Variants in SORBS2 observed in about 807,000 individuals in gnomAD.
The protein encoded by SORBS2 is sorbin and SH3 domain-containing protein 2.
SORBS2 carries 46 observed loss-of-function variants against 97.7 expected under a neutral mutation model. That is an observed-to-expected ratio of 0.47 (90% confidence interval 0.37 to 0.60). The LOEUF (loss-of-function observed/expected upper bound fraction) is 0.60, where lower values mean the gene tolerates loss of function less well. Among genes scored for constraint, SORBS2 ranks in the 20% least tolerant of loss-of-function variants. The pLI is 0.00. For synonymous variants in SORBS2, 476 were observed against 473.4 expected, an observed-to-expected ratio of 1.01 and a Z score of -0.07; for missense variants, 1,316 against 1,282.3, an observed-to-expected ratio of 1.03 and a Z score of -0.40.
At chr4:185,790,546 T>C (rs1360826827) in intron 1 of SORBS2, among the ~76,000 whole-genome samples, 2 of 152,180 alleles carry the variant, frequency 1.3e-5, no homozygotes, top group African/African-American at 2.4e-5. Context: ...TGGGCGACTC[T>C]ACAGTTGGAA....
chr4:185,781,371 A>C (rs1299686070), intron 1 of SORBS2, among the ~76,000 whole-genome samples: 1 of 152,230 alleles, frequency 6.6e-6, no homozygotes, highest in Admixed American at 6.5e-5. Flanking sequence ...ACAGTCGCTA[A>C]ATCTGCTATG....
intron 2 of SORBS2, among the ~76,000 whole-genome samples, chr4:185,652,155 A>G (rs9968382): frequency 0.98 from 148,516 of 152,246 alleles, 72,456 homozygotes; most frequent in Non-Finnish European, 0.99. Context: ...GCCCTTTTTT[A>G]TCTGTAACAT....
At position 185,709,304 on chromosome 4, in the gene SORBS2, C is replaced by CCTTTTTTT. The variant is rs1554199361; in HGVS notation, c.-197-30483_-197-30482insAAAAAAAG. Among the ~76,000 whole-genome samples the CCTTTTTTT allele has an allele frequency of 3.0e-3, 292 of 96,734 alleles. 5 individuals are homozygous for CCTTTTTTT. Among genetic ancestry groups the CCTTTTTTT allele is most frequent in the Non-Finnish European group, 5.2e-3 (254 of 49,192 alleles). 63.5% of individuals were successfully genotyped at this position (96,734 alleles called of 152,430 possible). ...GCATGAGCCGCTGTGCTGGCCAAATCTTTTTTTTTTTTTTTTTTTTAGTAA... is the reference window on the plus strand; with the variant it reads ...GCATGAGCCGCTGTGCTGGCCAAATCCTTTTTTTTTTTTTTTTTTTTTTTTTTTAGTAA... On this transcript the variant is annotated intron_variant, in intron 2 of 20. Coordinates refer to the SORBS2 transcript ENST00000284776.
intron 1 of SORBS2, among the ~76,000 whole-genome samples, chr4:185,916,759 A>G (rs1344482963): frequency 6.6e-6 from 1 of 152,182 alleles, no homozygotes; most frequent in Non-Finnish European, 1.5e-5. Context: ...AACATGCTAC[A>G]GTGCACAGGC....
Position 185,785,472 on chromosome 4 carries a change from G to A in SORBS2, c.-337-10106C>T, listed in dbSNP as rs547607495. 1.4e-4 allele frequency among the ~76,000 whole-genome samples: 22 copies of A among 152,278 alleles called. No homozygotes were observed. In the East Asian group the frequency reaches 3.5e-3, roughly 24 times the overall value. ...ATTCCGTTTTATAACAGACAGTCTC[G>A]TGTAAATATTTTGTCTTTCTAGTCA... is the stretch of plus-strand genomic sequence containing the variant. On this transcript the variant is annotated intron_variant, in intron 1 of 20. Coordinates refer to the SORBS2 transcript ENST00000284776.
intron 1 of SORBS2, among the ~76,000 whole-genome samples, chr4:185,848,618 C>CTTTTTTTTTT (rs537195530): frequency 1.6e-4 from 12 of 75,640 alleles, no homozygotes; most frequent in African/African-American, 7.0e-4. Flanking sequence ...AAGGATATCT[C>CTTTTTTTTTT]TTTTTTTTTT....
intron 1 of SORBS2, among the ~76,000 whole-genome samples, chr4:185,903,294 G>A (rs927675938): frequency 3.9e-5 from 6 of 152,124 alleles, no homozygotes; most frequent in Non-Finnish European, 8.8e-5. Context: ...ATTAGTGTGA[G>A]GTTTAGAGAT....
chr4:185,600,361 C>T lies in SORBS2; in HGVS notation c.2797-6426G>A, dbSNP rs141828285. 8.2e-3 allele frequency among the ~76,000 whole-genome samples: 1,255 copies of T among 152,224 alleles called. 21 individuals are homozygous for T. The highest frequency in any genetic ancestry group is 0.029 in the African/African-American group (1,186 of 41,536). On this transcript the variant is annotated intron_variant, in intron 12 of 14. Transcript: ENST00000418609. ...TTTTTTGTCTTTTATTTTTTTGAGA[C>T]GGAGTCTGGCTCTGTCGCCCAGGCT...
At chr4:185,856,420 GA>G (rs1407351960) in intron 1 of SORBS2, among the ~76,000 whole-genome samples, 1 of 152,138 alleles carries the variant, frequency 6.6e-6, no homozygotes, top group Non-Finnish European at 1.5e-5. Context: ...TGGCATGTAG[GA>G]GACACACAAT....
intron 1 of SORBS2, among the ~76,000 whole-genome samples, chr4:185,944,785 C>CA (rs1367237764): frequency 2.8e-4 from 42 of 152,120 alleles, no homozygotes; most frequent in Non-Finnish European, 1.5e-5. Flanking sequence ...TAGGACACTC[C>CA]ATATTACGGT....
intron 7 of SORBS2, among the ~76,000 whole-genome samples, chr4:185,620,777 T>G (rs1028978356): frequency 6.6e-6 from 1 of 152,192 alleles, no homozygotes; most frequent in African/African-American, 2.4e-5. Context: ...TGTGCCCAGA[T>G]GATAAACACC....
At chr4:185,786,649 C>T (rs974823976) in intron 1 of SORBS2, among the ~76,000 whole-genome samples, 1 of 152,152 alleles carries the variant, frequency 6.6e-6, no homozygotes, top group Non-Finnish European at 1.5e-5. Flanking sequence ...TCTCCCTGAG[C>T]CTGGATTTCC....
intron 1 of SORBS2, among the ~76,000 whole-genome samples, chr4:185,902,368 T>G (rs1579389792): frequency 6.6e-6 from 1 of 152,194 alleles, no homozygotes; most frequent in East Asian, 1.9e-4. Context: ...AAATAGTTAT[T>G]AAGGACAATA....
At chr4:185,698,019 A>C (rs1439477119) in intron 2 of SORBS2, among the ~76,000 whole-genome samples, 1 of 152,212 alleles carries the variant, frequency 6.6e-6, no homozygotes, top group African/African-American at 2.4e-5. Context: ...CAAGCATCAA[A>C]GGCTCTGGTA....
At chr4:185,701,986 G>T (rs771085303) in intron 2 of SORBS2, among the ~76,000 whole-genome samples, 9 of 152,056 alleles carry the variant, frequency 5.9e-5, no homozygotes, top group Non-Finnish European at 8.8e-5. Flanking sequence ...GGCCAGGATG[G>T]TCTAGATCTC....
intron 2 of SORBS2, among the ~76,000 whole-genome samples, chr4:185,651,337 T>G (rs2097310752): frequency 6.6e-6 from 1 of 152,250 alleles, no homozygotes; most frequent in East Asian, 1.9e-4. Context: ...ATTTTTAAAC[T>G]CTTTCAATGA....
chr4:185,649,715 G>A (rs961743028), intron 2 of SORBS2, 59 bp from the exon 12 acceptor site: 10 of 1,133,640 alleles, frequency 8.8e-6, no homozygotes, highest in African/African-American at 1.6e-5. Context: ...TCTTAAAAAT[G>A]AATTAAATTA....
chr4:185,838,700 C>T (rs2099209684), intron 1 of SORBS2, among the ~76,000 whole-genome samples: 1 of 152,194 alleles, frequency 6.6e-6, no homozygotes, highest in Admixed American at 6.5e-5. Flanking sequence ...ATGGCATGTC[C>T]GCTATCTCCT....
rs115946931 is a variant in SORBS2 at position 185,717,831 on chromosome 4, A to G, written c.-197-39009T>C. 5.9e-3 allele frequency among the ~76,000 whole-genome samples: 893 copies of G among 152,386 alleles called. 9 individuals carry two copies. Among genetic ancestry groups the G allele is most frequent in the African/African-American group, 0.02 (845 of 41,592 alleles). ...TTACAACACAACTCTTCTGCTTATT[A>G]GCCGCATGACCTGGGGTGAGTTACT... On this transcript the variant is annotated intron_variant, in intron 2 of 20. Transcript: ENST00000284776.
Sources: allele counts gnomAD v4.1 joint callset (sites outside exome capture counted in the v4.1 genomes callset), GRCh38; gene constraint gnomAD v4.1.1; transcripts MANE v1.5; gene names NCBI Gene and HGNC (gene_info 2026-07-23, HGNC 2026-07-21).